Variants in LYST observed in about 807,000 individuals in gnomAD.
LYST encodes the protein lysosomal trafficking regulator.
In LYST, 192 loss-of-function variants were observed where a neutral mutation model predicts 413.6. The ratio of observed to expected loss-of-function variants is 0.46; its 90% confidence interval spans 0.41 to 0.52. The LOEUF is 0.52. Among genes scored for constraint, LYST ranks in the 20% least tolerant of loss-of-function variants. The probability of loss-of-function intolerance (pLI) is 0.00; values close to 1 mark genes in which losing one functional copy is unlikely to be tolerated. For synonymous variants in LYST, 1,525 were observed against 1,567.3 expected, an observed-to-expected ratio of 0.97 and a Z score of 0.64; for missense variants, 3,815 against 4,499.9, an observed-to-expected ratio of 0.85 and a Z score of 4.35.
intron 19 of LYST, among the ~76,000 whole-genome samples, chr1:235,771,847 C>T (rs943232943): frequency 6.0e-5 from 9 of 149,682 alleles, no homozygotes; most frequent in African/African-American, 2.2e-4. Context: ...ATAGAAAATT[C>T]TCTTTCCTCT....
Position 235,775,051 on chromosome 1 carries a change from T to C in LYST, c.5496A>G (p.Ala1832=). 2 of 1,612,068 alleles carry C rather than the reference T, an allele frequency of 1.2e-6. No homozygotes were observed. The highest frequency in any genetic ancestry group is 1.7e-4 in the Middle Eastern group (1 of 5,956). The change falls in exon 18 of 53, where the codon GCA becomes GCG. Residue 1832 remains alanine, a synonymous_variant. Transcript: ENST00000389793. ...ATGAGAGTATAACTCGCAGTGCTAA[T>C]GCTTGAGTTTCTTCACAGCTACTGA... is the stretch of plus-strand genomic sequence containing the variant. ...VELSSCEETQ[A]LALRVILSLI...
At position 235,759,273 on chromosome 1, in the gene LYST, C is replaced by T. The variant is rs1185692657; in HGVS notation, c.6580G>A (p.Val2194Met). The T allele has an allele frequency of 1.2e-6, 2 of 1,614,194 alleles. No individual in the cohort carries two copies. The highest frequency in any genetic ancestry group is 3.3e-5 in the Admixed American group (2 of 60,020). ...GCTTTGACCACTGGAAATCCCAGCA[C>T]TCCCTTTGGGACATCACTGACAGAG... is the stretch of plus-strand genomic sequence containing the variant. The part of the protein sequence containing the change: ...QVSVSDVPKG[V>M]LGFPVVKADH... The change falls in exon 23 of 53, where the codon GTG becomes ATG. Residue 2194 changes from valine to methionine, a missense_variant. This residue lies in a region of LYST where 771 missense variants were observed against 837.1 expected (regional missense o/e 0.92). Transcript: ENST00000389793.
chr1:235,684,415 A>G (rs1660052636), intron 48 of LYST, among the ~76,000 whole-genome samples: 1 of 152,244 alleles, frequency 6.6e-6, no homozygotes, highest in South Asian at 2.1e-4. Flanking sequence ...CAAGTGCACA[A>G]GCTGACAACT....
intron 1 of LYST, among the ~76,000 whole-genome samples, chr1:235,838,357 T>C (rs1676805729): frequency 6.6e-6 from 1 of 152,212 alleles, no homozygotes. Context: ...AAGTATAGAA[T>C]GGTGGACTGT....
At chr1:235,883,373 T>G (rs1681460908) in exon 1 of LYST, 1 of 152,622 alleles carries the variant, frequency 6.6e-6, no homozygotes, top group Non-Finnish European at 1.5e-5. Context: ...TCCCCTGGCA[T>G]TGAGGAACAC....
intron 22 of LYST, 25 bp from the exon 23 acceptor site, chr1:235,759,624 C>T: frequency 1.9e-6 from 3 of 1,581,768 alleles, no homozygotes; most frequent in Non-Finnish European, 1.7e-6. Flanking sequence ...TACAAAAATA[C>T]TACTTAAAAA....
rs1172462407 is a variant in LYST at position 235,858,462 on chromosome 1, TATC to T, written c.-98+8378_-98+8380del. ...CCATCATTGGTCATTCTTTGGCCCT[TATC>T]ATCACCTGAAACTGCTAACTCCAGA... On this transcript the variant is annotated intron_variant, in intron 1 of 52. Coordinates refer to ENST00000389793, the MANE Select transcript of LYST (RefSeq NM_000081.4). Among the ~76,000 whole-genome samples the T allele has an allele frequency of 5.3e-5, 8 of 152,334 alleles. 1 individual carries two copies. In the East Asian group the frequency reaches 1.5e-3, roughly 29 times the overall value.
chr1:235,712,889 T>C (rs1662517791), intron 42 of LYST: 5 of 985,310 alleles, frequency 5.1e-6, no homozygotes, highest in Non-Finnish European at 6.0e-6. Flanking sequence ...TCAGACTTTC[T>C]AGCCATAGGG....
Position 235,709,192 on chromosome 1 carries a change from C to CA in LYST, c.10041dup (p.Asp3348Ter). 1 of 1,614,132 alleles carries CA rather than the reference C, an allele frequency of 6.2e-7. No homozygotes were observed. The highest frequency in any genetic ancestry group is 1.6e-4 in the Middle Eastern group (1 of 6,062). ...TGACAGATGTTCTGCGACACGTAGT[C>CA]AGACTCTAGAGCCTGCCGATGGATG... On this transcript the variant is annotated frameshift_variant, in exon 44 of 53. Coordinates refer to ENST00000389793, the MANE Select transcript of LYST (RefSeq NM_000081.4). LOFTEE classifies it high-confidence loss of function.
chr1:235,802,753 G>A (rs892106219), intron 8 of LYST, among the ~76,000 whole-genome samples, 155 bp downstream of exon 8: 1 of 152,146 alleles, frequency 6.6e-6, no homozygotes, highest in Non-Finnish European at 1.5e-5. Flanking sequence ...ATATATGAAT[G>A]CCAGACTGTT....
At chr1:235,882,325 C>G (rs1016419157) in intron 1 of LYST, among the ~76,000 whole-genome samples, 3 of 152,238 alleles carry the variant, frequency 2.0e-5, no homozygotes, top group African/African-American at 7.2e-5. Context: ...GTCCTGGACT[C>G]TTGCAGGTGA....
chr1:235,854,551 C>A lies in LYST; in HGVS notation c.-98+12292G>T, dbSNP rs1344910017. On this transcript the variant is annotated intron_variant, in intron 1 of 52. Transcript: ENST00000389793. This position sits in a 1 kb window ranked among gnomAD's most constrained non-coding sequence, Gnocchi z 4.1. ...ACCACTTACTGGTTCACCTCTGCATCTGCTGCTCTATGACCTTGGGTACTC... is the reference window on the plus strand; with the variant it reads ...ACCACTTACTGGTTCACCTCTGCATATGCTGCTCTATGACCTTGGGTACTC... Among the ~76,000 whole-genome samples the A allele has an allele frequency of 6.6e-6, 1 of 152,178 alleles. No individual in the cohort carries two copies. The highest frequency in any genetic ancestry group is 1.5e-5 in the Non-Finnish European group (1 of 68,034).
In LYST at chr1:235,802,436, T is replaced by C. The variant is rs1258011063; in HGVS notation, c.3712+472A>G. 2.6e-5 allele frequency among the ~76,000 whole-genome samples: 4 copies of C among 152,172 alleles called. No individual in the cohort carries two copies. The South Asian group carries it at 8.3e-4, about 31-fold the overall frequency. ...TATGCTTGGCTGTCACAGACAGGTG[T>C]CTGCATTCCTGTATTATGTATTCTT... On this transcript the variant is annotated intron_variant, in intron 8 of 52. Transcript: ENST00000389793.
At chr1:235,817,201 A>G (rs967614255) in intron 3 of LYST, among the ~76,000 whole-genome samples, 4 of 152,124 alleles carry the variant, frequency 2.6e-5, no homozygotes, top group Admixed American at 2.6e-4. Flanking sequence ...GATGGCTATT[A>G]AAAATGAAAA....
In LYST at chr1:235,809,886, A is replaced by C; in HGVS notation, c.932T>G (p.Val311Gly). 1 of 1,614,014 alleles carries C rather than the reference A, an allele frequency of 6.2e-7. No individual in the cohort carries two copies. Among genetic ancestry groups the C allele is most frequent in the Non-Finnish European group, 8.5e-7 (1 of 1,179,984 alleles). The change falls in exon 5 of 53, where the codon GTT (valine) becomes GGT (glycine). Residue 311 changes from valine (V) to glycine (G), a missense_variant. Physicochemically the swap from Val to Gly is moderately radical, Grantham distance 109. Around this residue, in one of 4 missense-constraint regions of LYST, gnomAD observed 1,648 missense variants for 1,810.3 expected, o/e 0.91. Coordinates refer to ENST00000389793, the MANE Select transcript of LYST (RefSeq NM_000081.4). The surrounding 1 kb of genome is among the most constrained non-coding windows in gnomAD (Gnocchi z 4.0). Reference protein sequence around the residue: ...SLSDNLESRVVSAGWTEEPVA... With the variant: ...SLSDNLESRVGSAGWTEEPVA... ...CGGTTCTTCGGTCCAACCTGCAGAAACTACTCGACTCTCCAAGTTGTCGCT... is the reference window on the plus strand; with the variant it reads ...CGGTTCTTCGGTCCAACCTGCAGAACCTACTCGACTCTCCAAGTTGTCGCT...
chr1:235,772,198 C>T (rs1283852690), intron 19 of LYST, among the ~76,000 whole-genome samples: 1 of 151,992 alleles, frequency 6.6e-6, no homozygotes, highest in Non-Finnish European at 1.5e-5. Flanking sequence ...GCATTTTAGC[C>T]TGGGTGACAG....
chr1:235,850,484 G>T (rs1347079474), intron 1 of LYST, among the ~76,000 whole-genome samples: 1 of 151,988 alleles, frequency 6.6e-6, no homozygotes, highest in African/African-American at 2.4e-5. Context: ...TTTCATGACA[G>T]AGAACCCAAA....
At chr1:235,684,819 A>G (rs1412521473) in intron 48 of LYST, among the ~76,000 whole-genome samples, 4 of 151,864 alleles carry the variant, frequency 2.6e-5, no homozygotes, top group African/African-American at 4.8e-5. Context: ...GGTAGAAATA[A>G]GGTCTTGCTA....
chr1:235,770,161 T>C lies in LYST; in HGVS notation c.5921A>G (p.Gln1974Arg). The C allele has an allele frequency of 6.2e-7, 1 of 1,613,090 alleles. No homozygotes were observed. Among genetic ancestry groups the C allele is most frequent in the Non-Finnish European group, 8.5e-7 (1 of 1,179,624 alleles). The change falls in exon 20 of 53, where the codon CAG becomes CGG. Residue 1974 changes from glutamine (Q) to arginine (R), a missense_variant and splice_region_variant. Gln to Arg is a conservative substitution (Grantham distance 43). Coordinates refer to ENST00000389793, the MANE Select transcript of LYST (RefSeq NM_000081.4). Reference protein sequence around the residue: ...HHFLLTCQVLQEYKEGQLTPM... With the variant: ...HHFLLTCQVLREYKEGQLTPM... Reference sequence around the variant, plus strand: ...AAAGTAAAGTTACATGAAAAGTACCTGCAAAACCTGACAAGTCAGTAGAAA... The same window carrying C: ...AAAGTAAAGTTACATGAAAAGTACCCGCAAAACCTGACAAGTCAGTAGAAA...
Sources: gnomAD v4.1 joint callset for allele counts (sites outside exome capture counted in the v4.1 genomes callset) on GRCh38, gnomAD v4.1.1 for gene constraint, gnomAD v4.1.1 regional missense constraint, Gnocchi (gnomAD v3.1) non-coding constraint, MANE v1.5 for transcripts, NCBI Gene and HGNC (gene_info 2026-07-23, HGNC 2026-07-21) for gene names.